The following RNF17 variants were observed in gnomAD, a reference collection of about 807,000 sequenced individuals.
RNF17 encodes spermatogenesis associated 23.
In RNF17, 31 loss-of-function variants were observed where a neutral mutation model predicts 200.5. The ratio of observed to expected loss-of-function variants is 0.15; its 90% CI spans 0.12 to 0.21. The LOEUF is 0.21. Ranked by LOEUF, RNF17 falls within the 10% of genes least tolerant of loss-of-function variation. RNF17 has a pLI of 1.00. For synonymous variants in RNF17, 606 were observed against 637.8 expected (o/e 0.95, Z 0.75); for missense variants, 1,628 against 1,905.1 (o/e 0.85, Z 2.71).
chr13:24,877,265 C>T, intron 34 of RNF17, 79 bp downstream of exon 34: 6 of 1,151,382 alleles, frequency 5.2e-6, no homozygotes, highest in Non-Finnish European at 7.7e-6. Context: ...TTCTATGCAG[C>T]GTCTACATGC....
chr13:24,859,279 T>A, intron 26 of RNF17, 115 bp downstream of exon 26: 1 of 759,130 alleles, frequency 1.3e-6, no homozygotes, highest in Non-Finnish European at 1.9e-6. Context: ...GAAAATTGTG[T>A]AGGAAGATCA....
chr13:24,813,936 A>G (rs139804864), intron 15 of RNF17, among the ~76,000 whole-genome samples: 1 of 150,820 alleles, frequency 6.6e-6, no homozygotes, highest in African/African-American at 2.4e-5. Flanking sequence ...TGCTGAAATT[A>G]CAGGCATGAG....
chr13:24,842,586 G>T (rs931400659), intron 19 of RNF17, among the ~76,000 whole-genome samples: 15 of 152,280 alleles, frequency 9.9e-5, no homozygotes, highest in Admixed American at 9.1e-4. Context: ...TGATAACCAG[G>T]CTTGAGCCAT....
chr13:24,787,052 A>G (rs1883205278), intron 6 of RNF17, among the ~76,000 whole-genome samples: 1 of 151,986 alleles, frequency 6.6e-6, no homozygotes, highest in Non-Finnish European at 1.5e-5. Context: ...ATTGTCCTAT[A>G]TTCAAGTTGG....
intron 9 of RNF17, 45 bp from the exon 10 acceptor site, chr13:24,792,997 A>G (rs1884065368): frequency 1.6e-6 from 2 of 1,288,980 alleles, no homozygotes; most frequent in Non-Finnish European, 2.2e-6. Context: ...TGGTTGTACC[A>G]TATACCTCTG....
Position 24,779,698 on chromosome 13 carries a change from C to G in RNF17, c.461C>G (p.Ala154Gly), listed in dbSNP as rs1189098054. 15 of 1,613,298 alleles carry G rather than the reference C, an allele frequency of 9.3e-6. No individual in the cohort carries two copies. Among genetic ancestry groups the G allele is most frequent in the Non-Finnish European group, 1.3e-5 (15 of 1,179,578 alleles). ...AATACTGCAGAAGAAATTGATGAAG[C>G]ATTGAATACAGCACACCATAGTTTC... ...DTNTAEEIDE[A>G]LNTAHHSFEQ... Residue 154 changes from alanine (A) to glycine (G), a missense_variant, in exon 5 of 36, where the codon GCA (alanine) becomes GGA (glycine). Transcript: ENST00000255324.
chr13:24,886,508 A>G, the RNF17 span: 1 of 496,498 alleles, frequency 2.0e-6, no homozygotes, highest in Non-Finnish European at 3.7e-6. Flanking sequence ...ATAACATCAG[A>G]GGGATCAGTC....
chr13:24,758,680 C>T, the RNF17 span, among the ~76,000 whole-genome samples: 1 of 151,952 alleles, frequency 6.6e-6, no homozygotes, highest in Non-Finnish European at 1.5e-5. Context: ...GTTCTGTGAG[C>T]CAAAGAAGAA....
chr13:24,766,398 C>G (rs1879701207), intron 1 of RNF17, among the ~76,000 whole-genome samples: 1 of 152,124 alleles, frequency 6.6e-6, no homozygotes, highest in Non-Finnish European at 1.5e-5. Context: ...TTATTATAAA[C>G]TTCAAATTCT....
At chr13:24,781,969 C>T in intron 6 of RNF17, 25 bp downstream of exon 6, 2 of 1,396,114 alleles carry the variant, frequency 1.4e-6, no homozygotes, top group African/African-American at 1.4e-5. Flanking sequence ...AATATGGACT[C>T]AATGAAACTG....
chr13:24,854,235 C>G, intron 25 of RNF17, 91 bp downstream of exon 25: 3 of 945,808 alleles, frequency 3.2e-6, no homozygotes, highest in Non-Finnish European at 4.8e-6. Context: ...ACGTTATTTT[C>G]ACAAGGTTGT....
chr13:24,789,791 G>T lies in RNF17; in HGVS notation c.935+19G>T. The T allele has an allele frequency of 7.5e-7, 1 of 1,332,558 alleles. No individual in the cohort carries two copies. The highest frequency in any genetic ancestry group is 1.2e-5 in the South Asian group (1 of 84,782). 82.5% of individuals were successfully genotyped at this position (1,332,558 alleles called of 1,614,324 possible). On this transcript the variant is annotated intron_variant, in intron 9 of 35. Coordinates refer to ENST00000255324, the MANE Select transcript of RNF17 (RefSeq NM_031277.3). ...CAACAAAGTAAGTATTTATAAGCAT[G>T]GTAACATGCCATTAGTGTCTGACAG...
rs74042516 is a variant in RNF17, at chr13:24,800,151, A to G, written c.1590-215A>G. The stretch of plus-strand genomic sequence containing the variant: ...AACTGCATGAGTATGTGAAAGTGCA[A>G]ATGTAGCTGAGATTTCTTTCTGTGG... On this transcript the variant is annotated intron_variant, in intron 12 of 35. Coordinates refer to ENST00000255324, the MANE Select transcript of RNF17 (RefSeq NM_031277.3). 5.7e-3 allele frequency among the ~76,000 whole-genome samples: 794 copies of G among 140,286 alleles called. 9 individuals carry two copies. The highest frequency in any genetic ancestry group is 0.02 in the African/African-American group (759 of 37,584). The allele number at this position is 140,286 out of a possible 152,430, so 92.0% of individuals were successfully genotyped here. A position where few individuals can be genotyped will look rare whatever the true frequency, so the allele number is the denominator to read the frequency against.
intron 28 of RNF17, among the ~76,000 whole-genome samples, chr13:24,864,332 A>C (rs9511481): frequency 6.6e-6 from 1 of 152,040 alleles, no homozygotes; most frequent in Non-Finnish European, 1.5e-5. Context: ...AGTGAGGAGC[A>C]GTGAGTTTGG....
At chr13:24,788,545 A>T (rs931180764) in intron 7 of RNF17, among the ~76,000 whole-genome samples, 1 of 152,090 alleles carries the variant, frequency 6.6e-6, no homozygotes, top group Non-Finnish European at 1.5e-5. Context: ...TGTTCACATA[A>T]ACAATTTAGG....
At chr13:24,769,735 T>C (rs900285437) in intron 2 of RNF17, among the ~76,000 whole-genome samples, 1 of 152,242 alleles carries the variant, frequency 6.6e-6, no homozygotes, top group African/African-American at 2.4e-5. Flanking sequence ...GTTAGACTTA[T>C]AATTTATCTT....
downstream of RNF17, chr13:24,883,409 A>ATAT (rs1566275364): frequency 2.8e-6 from 4 of 1,439,340 alleles, no homozygotes; most frequent in Non-Finnish European, 3.8e-6. Flanking sequence ...TAAAAAAAAA[A>ATAT]TAATAGAAAA....
intron 7 of RNF17, 66 bp from the exon 8 acceptor site, chr13:24,789,282 A>G: frequency 9.3e-7 from 1 of 1,078,062 alleles, no homozygotes; most frequent in Middle Eastern, 2.1e-4. Flanking sequence ...TTCTTTCTAA[A>G]ATCTTACTGT....
chr13:24,862,828 T>G (rs1893234312), intron 28 of RNF17, 35 bp downstream of exon 28: 2 of 1,201,254 alleles, frequency 1.7e-6, no homozygotes, highest in Middle Eastern at 4.2e-4. Flanking sequence ...TATAAATTAC[T>G]TGCCATAAAA....
Sources: gnomAD v4.1 joint callset for allele counts (sites outside exome capture counted in the v4.1 genomes callset) on GRCh38, gnomAD v4.1.1 for gene constraint, MANE v1.5 for transcripts, NCBI Gene and HGNC (gene_info 2026-07-23, HGNC 2026-07-21) for gene names.